The following ZNF343 variants were observed in gnomAD, a reference collection of about 807,000 sequenced individuals.
ZNF343 encodes zinc finger protein 343.
ZNF343 carries 11 observed loss-of-function variants against 13.8 expected under a neutral mutation model. That is an observed-to-expected ratio of 0.80 (90% CI 0.50 to 1.32). ZNF343 has a LOEUF of 1.32. Among genes scored for constraint, ZNF343 ranks in the 40% most tolerant of loss-of-function variants. The pLI is 0.00. For synonymous variants in ZNF343, 248 were observed against 260.0 expected (o/e 0.95, Z 0.44); for missense variants, 658 against 714.2 (o/e 0.92, Z 0.90).
At chr20:2,504,342 T>C (rs887249580) in intron 1 of ZNF343, among the ~76,000 whole-genome samples, 1 of 152,170 alleles carries the variant, frequency 6.6e-6, no homozygotes, top group Non-Finnish European at 1.5e-5. Flanking sequence ...CAAGACCAGA[T>C]GGATTCACAG....
intron 1 of ZNF343, among the ~76,000 whole-genome samples, chr20:2,519,708 T>G (rs964852173): frequency 1.3e-5 from 2 of 152,204 alleles, no homozygotes; most frequent in African/African-American, 4.8e-5. Context: ...CAGCTTGGTT[T>G]CATCTAAATA....
At chr20:2,496,541 G>A (rs2085462019) in intron 2 of ZNF343, among the ~76,000 whole-genome samples, 1 of 152,148 alleles carries the variant, frequency 6.6e-6, no homozygotes, top group South Asian at 2.1e-4. Context: ...CATTTTAAAA[G>A]ATGTCTCTGG....
upstream of ZNF343, among the ~76,000 whole-genome samples, chr20:2,524,945 A>G (rs2085798691): frequency 6.6e-6 from 1 of 152,052 alleles, no homozygotes; most frequent in Admixed American, 6.5e-5. Flanking sequence ...TCTCCATTCG[A>G]AAGCGGAGTC....
chr20:2,498,040 C>T (rs1438288698), intron 2 of ZNF343, among the ~76,000 whole-genome samples: 1 of 152,164 alleles, frequency 6.6e-6, no homozygotes, highest in Non-Finnish European at 1.5e-5. Context: ...CTTCATGGTC[C>T]AGTGAGGGAA....
At chr20:2,496,901 A>C (rs530326124) in intron 2 of ZNF343, among the ~76,000 whole-genome samples, 1 of 152,194 alleles carries the variant, frequency 6.6e-6, no homozygotes, top group South Asian at 2.1e-4. Flanking sequence ...ACCAACATGG[A>C]GAAACCCCAT....
At chr20:2,513,656 G>A (rs1479899675), upstream of ZNF343, among the ~76,000 whole-genome samples, 1 of 152,110 alleles carries the variant, frequency 6.6e-6, no homozygotes. Context: ...ATTGAAAACA[G>A]GTGTTCAAAC....
At chr20:2,499,682 A>T (rs189754087) in intron 2 of ZNF343, among the ~76,000 whole-genome samples, 6 of 152,216 alleles carry the variant, frequency 3.9e-5, no homozygotes, top group African/African-American at 1.4e-4. Context: ...GGACTCCATC[A>T]CTAATTAGAA....
Position 2,482,918 on chromosome 20 carries a change from A to G in ZNF343, c.*243T>C, listed in dbSNP as rs895630445. 1.8e-4 allele frequency: 97 copies of G among 532,816 alleles called. 1 individual carries two copies. The highest frequency in any genetic ancestry group is 3.0e-5 in the Non-Finnish European group (9 of 301,788). 33.0% of individuals were successfully genotyped at this position (532,816 alleles called of 1,614,324 possible). A position where few individuals can be genotyped will look rare whatever the true frequency, so the allele number is the denominator to read the frequency against. Reference sequence around the variant, plus strand: ...TCCCTACACATAAACTTCTCTCCTAAGTGTGTCCTTTTGTGCATGCTCAAG... The same window carrying G: ...TCCCTACACATAAACTTCTCTCCTAGGTGTGTCCTTTTGTGCATGCTCAAG... On this transcript the variant is annotated 3_prime_UTR_variant, in exon 6 of 6. Transcript: ENST00000278772.
chr20:2,505,171 A>G (rs1182418511), intron 1 of ZNF343, among the ~76,000 whole-genome samples: 4 of 152,138 alleles, frequency 2.6e-5, no homozygotes, highest in African/African-American at 9.7e-5. Context: ...AGACAAACAG[A>G]GCGCCAAATC....
At chr20:2,522,217 T>G (rs775822369) in intron 1 of ZNF343, among the ~76,000 whole-genome samples, 2 of 152,126 alleles carry the variant, frequency 1.3e-5, no homozygotes, top group Non-Finnish European at 2.9e-5. Context: ...CTACATGGAG[T>G]CTAATTCCAC....
chr20:2,483,934 G>A lies in ZNF343; in HGVS notation c.1027C>T (p.His343Tyr), dbSNP rs781321714. The A allele has an allele frequency of 3.7e-6, 6 of 1,614,158 alleles. No individual in the cohort carries two copies. The highest frequency in any genetic ancestry group is 2.2e-5 in the East Asian group (1 of 44,878). Reference sequence around the variant, plus strand: ...TTCTCCTCTGAGTGAGTCCACTGATGTCTATTGAGGATGGACTTACTTCTA... The same window carrying A: ...TTCTCCTCTGAGTGAGTCCACTGATATCTATTGAGGATGGACTTACTTCTA... ...SFRSKSILNR[H>Y]QWTHSEEKPY... The change falls in exon 6 of 6, where the codon CAT (histidine) becomes TAT (tyrosine). Residue 343 changes from histidine (H) to tyrosine (Y), a missense_variant. His to Tyr is a moderately conservative substitution (Grantham distance 83, BLOSUM62 2). Transcript: ENST00000278772.
chr20:2,510,436 G>A (rs2085731816), upstream of ZNF343, among the ~76,000 whole-genome samples: 2 of 152,216 alleles, frequency 1.3e-5, no homozygotes, highest in Non-Finnish European at 1.5e-5. Context: ...GTTAGCAGGA[G>A]ATTTTGTTTT....
Position 2,483,674 on chromosome 20 carries a change from C to G in ZNF343, c.1287G>C (p.Arg429Ser). 6.2e-7 allele frequency: 1 copy of G among 1,610,694 alleles called. No homozygotes were observed. Among genetic ancestry groups the G allele is most frequent in the Non-Finnish European group, 8.5e-7 (1 of 1,178,490 alleles). Residue 429 changes from arginine to serine, a missense_variant, in exon 6 of 6, where the codon AGG becomes AGC. Coordinates refer to ENST00000278772, the MANE Select transcript of ZNF343 (RefSeq NM_024325.6). ...CATAAGGCTTCTCATCCAAGTGTGT[C>G]CTCTGGTGTTTGATGAGATCTGAGT... Reference protein sequence around the residue: ...SQNSDLIKHQRTHLDEKPYVC... With the variant: ...SQNSDLIKHQSTHLDEKPYVC...
In ZNF343 at chr20:2,482,655, G is replaced by T; in HGVS notation, c.*506C>A. The T allele has an allele frequency of 6.2e-6, 1 of 160,468 alleles. No individual in the cohort carries two copies. The highest frequency in any genetic ancestry group is 1.4e-5 in the Non-Finnish European group (1 of 72,266). 9.9% of individuals were successfully genotyped at this position (160,468 alleles called of 1,614,324 possible). A position where few individuals can be genotyped will look rare whatever the true frequency, so the allele number is the denominator to read the frequency against. On this transcript the variant is annotated 3_prime_UTR_variant, in exon 6 of 6. Transcript: ENST00000278772. ...GCAGCTGGGGTGTTACCCCTGAAAA[G>T]GTCATCTGGGCAGAGCTCCACAGTG...
chr20:2,482,786 C>G lies in ZNF343; in HGVS notation c.*375G>C. The G allele has an allele frequency of 1.3e-5, 3 of 222,692 alleles. No homozygotes were observed. Among genetic ancestry groups the G allele is most frequent in the East Asian group, 1.0e-4 (1 of 9,832 alleles). The allele number at this position is 222,692 out of a possible 1,614,324, so 13.8% of individuals were successfully genotyped here. A position where few individuals can be genotyped will look rare whatever the true frequency, so the allele number is the denominator to read the frequency against. Reference sequence around the variant, plus strand: ...GAGGGCCACTCTGTGCCTGAGTGTCCATTCTTTTACTGATGCTCCCCAACA... The same window carrying G: ...GAGGGCCACTCTGTGCCTGAGTGTCGATTCTTTTACTGATGCTCCCCAACA... On this transcript the variant is annotated 3_prime_UTR_variant, in exon 6 of 6. Transcript: ENST00000278772.
chr20:2,493,663 G>A lies in ZNF343; in HGVS notation c.119-86C>T, dbSNP rs2085408127. Reference sequence around the variant, plus strand: ...GACGCTCCCTGAGCAGCTCTTCTGAGCCTTAGGATGAAGGAAGTAGTCACT... The same window carrying A: ...GACGCTCCCTGAGCAGCTCTTCTGAACCTTAGGATGAAGGAAGTAGTCACT... On this transcript the variant is annotated intron_variant, in intron 3 of 5. Coordinates refer to ENST00000278772, the MANE Select transcript of ZNF343 (RefSeq NM_024325.6). The A allele has an allele frequency of 6.1e-6, 8 of 1,313,178 alleles. No homozygotes were observed. In the South Asian group the frequency reaches 7.1e-5, roughly 12 times the overall value. 81.3% of individuals were successfully genotyped at this position (1,313,178 alleles called of 1,614,324 possible).
intron 2 of ZNF343, among the ~76,000 whole-genome samples, chr20:2,496,973 G>A (rs754681715): frequency 5.1e-4 from 72 of 140,170 alleles, no homozygotes; most frequent in Non-Finnish European, 9.6e-4. Flanking sequence ...CCAGCTACTC[G>A]GGAGGCTGAG....
intron 1 of ZNF343, among the ~76,000 whole-genome samples, chr20:2,519,806 T>C (rs2122762795): frequency 6.6e-6 from 1 of 152,360 alleles, no homozygotes; most frequent in African/African-American, 2.4e-5. Context: ...CTGCCTGTTT[T>C]CAACTGTTCT....
intron 2 of ZNF343, chr20:2,495,485 G>T: frequency 6.6e-6 from 1 of 152,258 alleles, no homozygotes; most frequent in Non-Finnish European, 1.5e-5. Flanking sequence ...CATTTCTTTT[G>T]TTCTGAGAAC....
Sources: gnomAD v4.1 joint callset for allele counts (sites outside exome capture counted in the v4.1 genomes callset) on GRCh38, gnomAD v4.1.1 for gene constraint, MANE v1.5 for transcripts, NCBI Gene and HGNC (gene_info 2026-07-23, HGNC 2026-07-21) for gene names.